Variants in ARHGAP44 observed in about 807,000 individuals in gnomAD.
ARHGAP44 encodes the protein rho GTPase-activating protein 44.
A neutral mutation model predicts 106.8 loss-of-function variants in ARHGAP44; 43 were observed. That is an observed-to-expected ratio of 0.40 (90% CI 0.32 to 0.52). ARHGAP44 has a LOEUF of 0.52. ARHGAP44 is among the 20% of genes least tolerant of loss of function. The probability of loss-of-function intolerance (pLI) is 0.48; values close to 1 mark genes in which losing one functional copy is unlikely to be tolerated. For synonymous variants in ARHGAP44, 439 were observed against 410.3 expected, an observed-to-expected ratio of 1.07 and a Z score of -0.85; for missense variants, 866 against 1,050.5, an observed-to-expected ratio of 0.82 and a Z score of 2.43.
intron 10 of ARHGAP44, among the ~76,000 whole-genome samples, chr17:12,945,978 T>C (rs532508396): frequency 8.5e-5 from 13 of 152,170 alleles, no homozygotes; most frequent in Non-Finnish European, 1.3e-4. Context: ...AGGCTGGTCT[T>C]GAACTCCTGA....
chr17:12,870,066 T>TTTTG (rs1555549506), intron 1 of ARHGAP44, among the ~76,000 whole-genome samples: 3 of 143,972 alleles, frequency 2.1e-5, no homozygotes, highest in Non-Finnish European at 3.1e-5. Flanking sequence ...TTTTTTTTTT[T>TTTTG]GAGATAGAGT....
chr17:12,880,217 A>G (rs991217809), intron 1 of ARHGAP44, among the ~76,000 whole-genome samples: 2 of 152,120 alleles, frequency 1.3e-5, no homozygotes, highest in African/African-American at 4.8e-5. Context: ...CATAGATTCC[A>G]TATGCTCGTA....
At chr17:12,846,591 T>C (rs1276918792) in intron 1 of ARHGAP44, among the ~76,000 whole-genome samples, 1 of 152,212 alleles carries the variant, frequency 6.6e-6, no homozygotes, top group Non-Finnish European at 1.5e-5. Context: ...ACTGAATACA[T>C]AATAATTTGA....
intron 5 of ARHGAP44, among the ~76,000 whole-genome samples, chr17:12,918,192 C>T (rs2037972625): frequency 6.6e-6 from 1 of 152,174 alleles, no homozygotes; most frequent in Non-Finnish European, 1.5e-5. Context: ...AAGCAAGATA[C>T]CCAGTGGCCC....
intron 4 of ARHGAP44, among the ~76,000 whole-genome samples, chr17:12,910,701 C>T (rs1410283672): frequency 1.3e-5 from 2 of 151,912 alleles, no homozygotes; most frequent in Non-Finnish European, 2.9e-5. Flanking sequence ...CCTCCTCGGC[C>T]TCCCAAAGTA....
chr17:12,818,908 A>G (rs1318933945), intron 1 of ARHGAP44, among the ~76,000 whole-genome samples: 2 of 152,106 alleles, frequency 1.3e-5, no homozygotes, highest in African/African-American at 4.8e-5. Context: ...ATTTTTGTAG[A>G]TACAGACAAG....
chr17:12,843,050 C>G (rs968789688), intron 1 of ARHGAP44, among the ~76,000 whole-genome samples: 1 of 152,176 alleles, frequency 6.6e-6, no homozygotes, highest in Non-Finnish European at 1.5e-5. Context: ...TAGCTCTCCT[C>G]TCTGACCTTA....
In ARHGAP44 at chr17:12,925,478, C is replaced by T. The variant is rs191549487; in HGVS notation, c.465-3451C>T. On this transcript the variant is annotated intron_variant, in intron 6 of 20. Transcript: ENST00000379672. ...GTGAATGCCCCAATGAAGACACTCT[C>T]CTGTCTGCCTTTTAAAATTCTTCTT... is the stretch of plus-strand genomic sequence containing the variant. 2.6e-5 allele frequency among the ~76,000 whole-genome samples: 4 copies of T among 152,328 alleles called. No homozygotes were observed. In the East Asian group the frequency reaches 7.7e-4, roughly 29 times the overall value.
intron 5 of ARHGAP44, among the ~76,000 whole-genome samples, chr17:12,919,498 G>C (rs1259090796): frequency 6.7e-6 from 1 of 149,700 alleles, no homozygotes; most frequent in Non-Finnish European, 1.5e-5. Flanking sequence ...TGATTCTTCT[G>C]CCTCAGACTC....
intron 1 of ARHGAP44, among the ~76,000 whole-genome samples, chr17:12,845,112 T>C (rs7221515): frequency 0.29 from 44,748 of 151,956 alleles, 9,803 homozygotes; most frequent in African/African-American, 0.62. Context: ...ACCCTCCTAT[T>C]CCCCATCCTC....
chr17:12,789,951 G>A lies in ARHGAP44; in HGVS notation c.53+60G>A. ...CCCGCGAGGCTGCATCCGCAGGGGC[G>A]CGCAGGTGATGGAGCCCGCCCAGCC... On this transcript the variant is annotated intron_variant, in intron 1 of 20. Transcript: ENST00000379672. The A allele has an allele frequency of 2.1e-6, 3 of 1,454,440 alleles. No individual in the cohort carries two copies. The Admixed American group carries it at 7.8e-5, about 38-fold the overall frequency. The allele number at this position is 1,454,440 out of a possible 1,614,324, so 90.1% of individuals were successfully genotyped here.
chr17:12,848,779 G>A (rs1213203124), intron 1 of ARHGAP44, among the ~76,000 whole-genome samples: 8 of 152,132 alleles, frequency 5.3e-5, no homozygotes, highest in South Asian at 4.1e-4. Context: ...TGGGCACGGT[G>A]GCTCATGCCT....
chr17:12,956,330 G>C (rs2039126121), intron 14 of ARHGAP44, among the ~76,000 whole-genome samples: 1 of 152,084 alleles, frequency 6.6e-6, no homozygotes, highest in Non-Finnish European at 1.5e-5. Context: ...GGATTCGGAG[G>C]GATAGAAGGC....
intron 3 of ARHGAP44, among the ~76,000 whole-genome samples, chr17:12,903,027 G>T (rs1306253606): frequency 6.6e-6 from 1 of 151,046 alleles, no homozygotes; most frequent in Admixed American, 6.6e-5. Context: ...AGAGCTGGTT[G>T]CCTGGGGCTG....
chr17:12,915,834 G>A (rs566286017), intron 4 of ARHGAP44, 66 bp from the exon 5 acceptor site: 16 of 1,377,840 alleles, frequency 1.2e-5, no homozygotes, highest in African/African-American at 7.1e-5. Flanking sequence ...GAGGTGAGGG[G>A]AGGGTAACGC....
chr17:12,954,701 CAT>C (rs2039085126), intron 13 of ARHGAP44, among the ~76,000 whole-genome samples: 3 of 152,120 alleles, frequency 2.0e-5, no homozygotes, highest in African/African-American at 4.8e-5. Context: ...CCAGAGAAAA[CAT>C]GTCTTCTCGG....
chr17:12,821,452 G>T (rs2034768032), intron 1 of ARHGAP44, among the ~76,000 whole-genome samples: 1 of 152,170 alleles, frequency 6.6e-6, no homozygotes, highest in Non-Finnish European at 1.5e-5. Context: ...AGCTCTTTCA[G>T]CTGTGATATC....
chr17:12,833,486 C>T (rs1848699398), intron 1 of ARHGAP44, among the ~76,000 whole-genome samples: 1 of 152,154 alleles, frequency 6.6e-6, no homozygotes, highest in Non-Finnish European at 1.5e-5. Context: ...AAGGATGTTT[C>T]TGTGATGCTT....
At chr17:12,988,109 C>T (rs2040006139) in intron 20 of ARHGAP44, 1 of 152,182 alleles carries the variant, frequency 6.6e-6, no homozygotes, top group African/African-American at 2.4e-5. Context: ...GTCCCTTTTC[C>T]CAGGAATGCT....
Sources: gnomAD v4.1 joint callset for allele counts (sites outside exome capture counted in the v4.1 genomes callset) on GRCh38, gnomAD v4.1.1 for gene constraint, MANE v1.5 for transcripts, NCBI Gene and HGNC (gene_info 2026-07-23, HGNC 2026-07-21) for gene names.